Variants in CUX1 observed in about 807,000 individuals in gnomAD.
The protein encoded by CUX1 is protein CASP.
A neutral mutation model predicts 158.8 loss-of-function variants in CUX1; 31 were observed. The observed-to-expected ratio is 0.20, with a 90% CI of 0.15 to 0.26. CUX1 has a LOEUF of 0.26. Ranked by LOEUF, CUX1 falls within the 10% of genes least tolerant of loss-of-function variation. The probability of loss-of-function intolerance (pLI) is 1.00; values close to 1 mark genes in which losing one functional copy is unlikely to be tolerated. For missense variants in CUX1, 1,589 were observed against 2,014.6 expected, an observed-to-expected ratio of 0.79 and a Z score of 4.04; for synonymous variants, 879 against 862.1, an observed-to-expected ratio of 1.02 and a Z score of -0.34.
chr7:102,035,798 A>G (rs1433019126), intron 3 of CUX1, among the ~76,000 whole-genome samples: 1 of 152,116 alleles, frequency 6.6e-6, no homozygotes, highest in Non-Finnish European at 1.5e-5. Flanking sequence ...AGAAATTTCC[A>G]CTACTATTGA....
chr7:102,045,818 C>G (rs1011703374), intron 3 of CUX1, among the ~76,000 whole-genome samples: 1 of 152,210 alleles, frequency 6.6e-6, no homozygotes, highest in Non-Finnish European at 1.5e-5. Flanking sequence ...GTTTACAGCT[C>G]GAACTCGGGC....
intron 10 of CUX1, among the ~76,000 whole-genome samples, chr7:102,175,407 A>G (rs184157070): frequency 6.6e-6 from 1 of 152,288 alleles, no homozygotes; most frequent in East Asian, 1.9e-4. Flanking sequence ...GTGATATAGC[A>G]TGATTCAACC....
chr7:101,975,224 C>T (rs1812502599), intron 2 of CUX1, among the ~76,000 whole-genome samples: 1 of 151,296 alleles, frequency 6.6e-6, no homozygotes, highest in Non-Finnish European at 1.5e-5. Flanking sequence ...GTACTCCAGC[C>T]TGGGCAACAG....
At chr7:102,215,546 C>G (rs1393402562) in intron 20 of CUX1, among the ~76,000 whole-genome samples, 1 of 152,218 alleles carries the variant, frequency 6.6e-6, no homozygotes, top group African/African-American at 2.4e-5. Context: ...CTTTTACTGA[C>G]TGTCCTACAT....
chr7:101,903,501 C>T (rs1802390326), intron 1 of CUX1, among the ~76,000 whole-genome samples: 1 of 152,158 alleles, frequency 6.6e-6, no homozygotes, highest in East Asian at 1.9e-4. Flanking sequence ...CACAACAGAG[C>T]AGTAAAGAAT....
intron 1 of CUX1, among the ~76,000 whole-genome samples, chr7:101,853,703 G>C (rs1034457441): frequency 1.3e-5 from 2 of 152,082 alleles, no homozygotes; most frequent in African/African-American, 4.8e-5. Flanking sequence ...CCAGGCATGG[G>C]TATCAGTGGC....
intron 20 of CUX1, among the ~76,000 whole-genome samples, chr7:102,216,806 CCCCACACACACTCTCCCACCA>C (rs1554525027): frequency 2.2e-5 from 1 of 45,170 alleles, no homozygotes; most frequent in African/African-American, 5.0e-5. Flanking sequence ...CCACACACAC[CCCCACACACACTCTCCCACCA>C]CACACACACA....
At chr7:102,015,441 T>C (rs955197960) in intron 2 of CUX1, among the ~76,000 whole-genome samples, 1 of 152,156 alleles carries the variant, frequency 6.6e-6, no homozygotes, top group Non-Finnish European at 1.5e-5. Context: ...TTGGCCAGGC[T>C]GGTCTCGAAC....
chr7:102,092,838 G>T (rs181697311), intron 4 of CUX1, among the ~76,000 whole-genome samples: 1 of 149,300 alleles, frequency 6.7e-6, no homozygotes, highest in Non-Finnish European at 1.5e-5. Flanking sequence ...GCTTGAACAC[G>T]GGAGGCAGAG....
At chr7:102,129,857 A>C (rs1833029645) in intron 8 of CUX1, among the ~76,000 whole-genome samples, 1 of 152,172 alleles carries the variant, frequency 6.6e-6, no homozygotes, top group Non-Finnish European at 1.5e-5. Context: ...CTGACTTGGA[A>C]AATTTGGGGC....
intron 1 of CUX1, among the ~76,000 whole-genome samples, chr7:101,828,357 G>T (rs1044588918): frequency 4.6e-5 from 7 of 152,176 alleles, no homozygotes; most frequent in Admixed American, 3.3e-4. Flanking sequence ...TCAAGAGTCA[G>T]CTATATGTAT....
chr7:101,993,670 C>G (rs1157815963), intron 2 of CUX1, among the ~76,000 whole-genome samples: 1 of 152,244 alleles, frequency 6.6e-6, no homozygotes, highest in Non-Finnish European at 1.5e-5. Flanking sequence ...TATGTGGCCC[C>G]CACGGGTTTC....
At chr7:102,116,430 AACTT>A (rs1274401106) in intron 8 of CUX1, among the ~76,000 whole-genome samples, 4 of 152,142 alleles carry the variant, frequency 2.6e-5, no homozygotes, top group African/African-American at 9.7e-5. Context: ...CTGATTAAGC[AACTT>A]ACTTACTTGC....
At chr7:102,004,898 G>A (rs1257975535) in intron 2 of CUX1, among the ~76,000 whole-genome samples, 10 of 152,218 alleles carry the variant, frequency 6.6e-5, no homozygotes, top group African/African-American at 2.4e-4. Context: ...GCAAAATCAG[G>A]ATATCATGTA....
intron 8 of CUX1, among the ~76,000 whole-genome samples, chr7:102,122,327 CCT>C (rs1781004770): frequency 6.6e-6 from 1 of 151,990 alleles, no homozygotes; most frequent in African/African-American, 2.4e-5. Flanking sequence ...GAATAAAGAA[CCT>C]CCTGTCCTTT....
chr7:102,211,927 G>T (rs1207782635), intron 20 of CUX1, among the ~76,000 whole-genome samples: 6 of 152,182 alleles, frequency 3.9e-5, no homozygotes, highest in African/African-American at 1.4e-4. Flanking sequence ...ATGAGATGAG[G>T]CTGGGGGGCC....
At chr7:102,093,157 CTT>C (rs34712960) in intron 4 of CUX1, among the ~76,000 whole-genome samples, 28,913 of 120,714 alleles carry the variant, frequency 0.24, 3,349 homozygotes, top group Non-Finnish European at 0.29. Context: ...AAAACAGAAG[CTT>C]TTTTTTTTTT....
chr7:102,255,805 C>T lies in CUX1; in HGVS notation c.*6763C>T, dbSNP rs1789830423. The T allele has an allele frequency of 1.0e-6, 1 of 984,832 alleles. No individual in the cohort carries two copies. The highest frequency in any genetic ancestry group is 1.7e-5 in the African/African-American group (1 of 57,296). 61.0% of individuals were successfully genotyped at this position (984,832 alleles called of 1,614,324 possible). A position where few individuals can be genotyped will look rare whatever the true frequency, so the allele number is the denominator to read the frequency against. ...TGCTTTTGTTTTATAATTCTTTTTT[C>T]CCCCCTTTTCCTTCTTCTTTTTTAT... On this transcript the variant is annotated 3_prime_UTR_variant, in exon 24 of 24. Transcript: ENST00000292535.
At chr7:102,101,069 CAG>C (rs1233475944) in intron 5 of CUX1, among the ~76,000 whole-genome samples, 3 of 152,148 alleles carry the variant, frequency 2.0e-5, no homozygotes, top group Non-Finnish European at 4.4e-5. Context: ...GACTCATCAC[CAG>C]AGAGAGGCCA....
Sources: allele counts gnomAD v4.1 joint callset (sites outside exome capture counted in the v4.1 genomes callset), GRCh38; gene constraint gnomAD v4.1.1; transcripts MANE v1.5; gene names NCBI Gene and HGNC (gene_info 2026-07-23, HGNC 2026-07-21).